SGCD: variants seen among roughly 807,000 people sequenced by gnomAD.
SGCD encodes delta-sarcoglycan.
A neutral mutation model predicts 36.6 loss-of-function variants in SGCD; 18 were observed. The observed-to-expected ratio is 0.49, with a 90% CI of 0.34 to 0.73. The LOEUF is 0.73. Among genes scored for constraint, SGCD ranks in the 30% least tolerant of loss-of-function variants. The pLI, the probability that SGCD is intolerant of heterozygous loss-of-function variation, is 0.01. For synonymous variants in SGCD, 133 were observed against 130.6 expected (o/e 1.02, Z -0.12); for missense variants, 387 against 346.7 (o/e 1.12, Z -0.92).
intron 7 of SGCD, among the ~76,000 whole-genome samples, chr5:156,725,693 C>T (rs1336501757): frequency 2.6e-5 from 4 of 152,202 alleles, no homozygotes; most frequent in Non-Finnish European, 4.4e-5. Context: ...ATCCTGCCAG[C>T]CCATTTCCAA....
intron 1 of SGCD, among the ~76,000 whole-genome samples, chr5:155,934,374 G>A (rs975076784): frequency 1.3e-5 from 2 of 152,192 alleles, no homozygotes; most frequent in African/African-American, 4.8e-5. Context: ...CCTTTTTAAC[G>A]ATCTTTTTTT....
At chr5:155,736,726 G>T in the SGCD span, among the ~76,000 whole-genome samples, 2 of 152,026 alleles carry the variant, frequency 1.3e-5, no homozygotes, top group Admixed American at 1.3e-4. Context: ...TTTTGCTACT[G>T]TTACTATTGC....
At chr5:156,433,829 G>T (rs1433855912) in intron 3 of SGCD, among the ~76,000 whole-genome samples, 3 of 152,078 alleles carry the variant, frequency 2.0e-5, no homozygotes, top group African/African-American at 7.2e-5. Flanking sequence ...CTTTATGTAA[G>T]CCCCTTTCCC....
At chr5:156,298,677 C>CA (rs1335554253) in intron 3 of SGCD, among the ~76,000 whole-genome samples, 1 of 151,042 alleles carries the variant, frequency 6.6e-6, no homozygotes, top group Non-Finnish European at 1.5e-5. Flanking sequence ...ATGATCCACC[C>CA]ACCTCAGCCT....
In SGCD at chr5:155,888,527, CTG is replaced by C. The variant is rs566684342; in HGVS notation, c.-282+18107_-282+18108del. On this transcript the variant is annotated intron_variant, in intron 1 of 9. Transcript: ENST00000517913. ...TAGGGACGCAAAGAAGCAGATAACT[CTG>C]TGTATTTTTTAATGCTTAGGTTTTT... Among the ~76,000 whole-genome samples, 16 of 152,228 alleles carry C rather than the reference CTG, an allele frequency of 1.1e-4. No homozygotes were observed. The East Asian group carries it at 1.9e-3, about 18-fold the overall frequency.
intron 1 of SGCD, among the ~76,000 whole-genome samples, chr5:155,904,538 A>G (rs1756457646): frequency 6.6e-6 from 1 of 152,194 alleles, no homozygotes; most frequent in Non-Finnish European, 1.5e-5. Flanking sequence ...AAAATATATA[A>G]TGGAATATTT....
intron 2 of SGCD, among the ~76,000 whole-genome samples, chr5:156,337,335 A>G (rs1214158725): frequency 6.6e-6 from 1 of 152,218 alleles, no homozygotes; most frequent in Non-Finnish European, 1.5e-5. Flanking sequence ...ATCACCAAGA[A>G]AAATAAAAAC....
At chr5:156,318,451 A>G (rs993535276) in intron 3 of SGCD, among the ~76,000 whole-genome samples, 1 of 152,166 alleles carries the variant, frequency 6.6e-6, no homozygotes, top group Non-Finnish European at 1.5e-5. Flanking sequence ...TGTATCTATC[A>G]TATCTCCAAT....
chr5:155,839,112 C>A, the SGCD span, among the ~76,000 whole-genome samples: 1 of 152,044 alleles, frequency 6.6e-6, no homozygotes, highest in Admixed American at 6.6e-5. Flanking sequence ...ATCTACATTT[C>A]ACATAAAATT....
chr5:156,630,818 C>G (rs1762605282), intron 6 of SGCD, among the ~76,000 whole-genome samples: 2 of 152,128 alleles, frequency 1.3e-5, no homozygotes, highest in South Asian at 4.1e-4. Context: ...CCAAATGGCT[C>G]TGGACGAATT....
chr5:156,445,323 C>T (rs982711017), intron 3 of SGCD, among the ~76,000 whole-genome samples: 7 of 152,104 alleles, frequency 4.6e-5, no homozygotes, highest in Non-Finnish European at 4.4e-5. Flanking sequence ...AATTATTGAT[C>T]TTCAAATCTT....
chr5:156,638,869 A>G (rs1393609798), intron 6 of SGCD, among the ~76,000 whole-genome samples: 1 of 152,178 alleles, frequency 6.6e-6, no homozygotes, highest in Admixed American at 6.5e-5. Flanking sequence ...ATTCTACACA[A>G]TGTTTAAAAT....
chr5:155,823,257 T>C, the SGCD span, among the ~76,000 whole-genome samples: 1 of 145,846 alleles, frequency 6.9e-6, no homozygotes, highest in Admixed American at 7.0e-5. Flanking sequence ...TGTAATTCAG[T>C]CCTACAGCAG....
intron 1 of SGCD, among the ~76,000 whole-genome samples, chr5:155,972,922 A>G (rs958094151): frequency 6.6e-5 from 10 of 152,104 alleles, no homozygotes; most frequent in Non-Finnish European, 1.5e-4. Context: ...TTTTCTTCAG[A>G]TGAAACTCTT....
intron 1 of SGCD, among the ~76,000 whole-genome samples, chr5:156,028,834 C>G (rs973653044): frequency 6.6e-6 from 1 of 152,088 alleles, no homozygotes; most frequent in African/African-American, 2.4e-5. Context: ...AGCATGATGT[C>G]GTCTGAACCT....
chr5:155,912,850 A>G (rs539141559), intron 1 of SGCD, among the ~76,000 whole-genome samples: 1 of 150,882 alleles, frequency 6.6e-6, no homozygotes, highest in East Asian at 1.9e-4. Context: ...TATCTTCTTA[A>G]TTACTTTTCT....
At chr5:155,850,577 A>T in the SGCD span, among the ~76,000 whole-genome samples, 1 of 152,192 alleles carries the variant, frequency 6.6e-6, no homozygotes, top group Non-Finnish European at 1.5e-5. Flanking sequence ...AGGAGACCGT[A>T]CTGCCGATCA....
In SGCD at chr5:156,000,127, G is replaced by C. The variant is rs112878317; in HGVS notation, c.-281-117751G>C. Among the ~76,000 whole-genome samples the C allele has an allele frequency of 2.7e-3, 404 of 152,294 alleles. 1 individual carries two copies. The highest frequency in any genetic ancestry group is 9.3e-3 in the African/African-American group (386 of 41,564). ...CTTCTCTCAAACTATGAAGGGCCTT[G>C]TGAGTCCATGTGTGAATAGCCCAGT... On this transcript the variant is annotated intron_variant, in intron 1 of 9. Coordinates refer to the SGCD transcript ENST00000517913.
At chr5:156,491,723 G>A (rs751410569) in intron 3 of SGCD, among the ~76,000 whole-genome samples, 1 of 152,124 alleles carries the variant, frequency 6.6e-6, no homozygotes, top group Non-Finnish European at 1.5e-5. Flanking sequence ...CTAATTGGCT[G>A]CAGTAATTGT....
Sources: gnomAD v4.1 joint callset for allele counts (sites outside exome capture counted in the v4.1 genomes callset) on GRCh38, gnomAD v4.1.1 for gene constraint, MANE v1.5 for transcripts, NCBI Gene and HGNC (gene_info 2026-07-23, HGNC 2026-07-21) for gene names.